Variants in PTPRD observed in about 807,000 individuals in gnomAD.
PTPRD encodes protein tyrosine phosphatase receptor type D.
In PTPRD, 34 loss-of-function variants were observed where a neutral mutation model predicts 214.5. The observed-to-expected ratio is 0.16, with a 90% CI of 0.12 to 0.21. The LOEUF is 0.21. Among genes scored for constraint, PTPRD ranks in the 10% least tolerant of loss-of-function variants. PTPRD has a pLI of 1.00. For synonymous variants in PTPRD, 1,128 were observed against 845.7 expected, an observed-to-expected ratio of 1.33 and a Z score of -5.79; for missense variants, 2,545 against 2,398.7, an observed-to-expected ratio of 1.06 and a Z score of -1.27.
At position 9,894,720 on chromosome 9, in the gene PTPRD, A is replaced by G. The variant is rs1347384593; in HGVS notation, c.-368+43787T>C. ...GAGCTAAATAATATCTCTCTTTTTT[A>G]TTATACTATATATTCTATGCATTCG... On this transcript the variant is annotated intron_variant, in intron 5 of 45. Coordinates refer to ENST00000381196, the MANE Select transcript of PTPRD (RefSeq NM_002839.4). 3.3e-5 allele frequency among the ~76,000 whole-genome samples: 5 copies of G among 152,136 alleles called. No homozygotes were observed. The Middle Eastern group carries it at 0.014, about 414-fold the overall frequency.
rs182238818 is a variant in PTPRD at position 9,638,648 on chromosome 9, A to G, written c.-286-63867T>C. Among the ~76,000 whole-genome samples the G allele has an allele frequency of 3.7e-3, 571 of 152,270 alleles. 1 individual carries two copies. The highest frequency in any genetic ancestry group is 4.9e-3 in the Non-Finnish European group (330 of 68,024). On this transcript the variant is annotated intron_variant, in intron 7 of 45. Transcript: ENST00000381196. ...ATCAAAACTCTTCCAGCCTCTATCC[A>G]TTACCTAGTGCCGAAACCACTTCTA...
At chr9:8,781,057 G>C (rs2095672826) in intron 11 of PTPRD, among the ~76,000 whole-genome samples, 1 of 152,258 alleles carries the variant, frequency 6.6e-6, no homozygotes. Context: ...TTCAATAGGA[G>C]GATGCGGGAT....
At chr9:10,384,634 A>T (rs1474811951) in intron 2 of PTPRD, among the ~76,000 whole-genome samples, 1 of 151,682 alleles carries the variant, frequency 6.6e-6, no homozygotes, top group Non-Finnish European at 1.5e-5. Context: ...GGATTTTTTT[A>T]AAAAGTGGAA....
intron 2 of PTPRD, among the ~76,000 whole-genome samples, chr9:10,605,652 C>T (rs995678565): frequency 7.9e-5 from 12 of 151,410 alleles, no homozygotes; most frequent in African/African-American, 2.2e-4. Context: ...AGTGTAGATA[C>T]GTATCTGGAA....
At chr9:9,654,386 T>C (rs2096457006) in intron 7 of PTPRD, among the ~76,000 whole-genome samples, 1 of 152,108 alleles carries the variant, frequency 6.6e-6, no homozygotes, top group Non-Finnish European at 1.5e-5. Context: ...TATACACATG[T>C]CTAAGTATGT....
chr9:9,651,435 C>T (rs1344358365), intron 7 of PTPRD, among the ~76,000 whole-genome samples: 1 of 152,068 alleles, frequency 6.6e-6, no homozygotes, highest in Non-Finnish European at 1.5e-5. Context: ...TGTTGTTCCC[C>T]TCTATGTGTC....
chr9:10,123,917 T>A (rs956199663), intron 3 of PTPRD, among the ~76,000 whole-genome samples: 1 of 152,210 alleles, frequency 6.6e-6, no homozygotes, highest in Non-Finnish European at 1.5e-5. Context: ...GTGGACTTAA[T>A]GATATTGATA....
chr9:8,473,050 G>A (rs575997745), intron 30 of PTPRD, among the ~76,000 whole-genome samples: 86 of 152,254 alleles, frequency 5.6e-4, no homozygotes, highest in African/African-American at 1.9e-3. Flanking sequence ...ATCACAGGCC[G>A]GAGAGACGCA....
At chr9:8,504,568 A>G (rs557776201) in intron 22 of PTPRD, among the ~76,000 whole-genome samples, 163 bp from the exon 23 acceptor site, 1 of 152,374 alleles carries the variant, frequency 6.6e-6, no homozygotes, top group Non-Finnish European at 1.5e-5. Context: ...TAAGGAAATT[A>G]TATAATGAAA....
At chr9:8,414,764 C>T (rs1006496800) in intron 35 of PTPRD, among the ~76,000 whole-genome samples, 2 of 151,580 alleles carry the variant, frequency 1.3e-5, no homozygotes, top group Non-Finnish European at 2.9e-5. Context: ...CTGGTTCTAC[C>T]TAACTTCCTC....
At chr9:10,068,253 A>C (rs1202604419) in intron 3 of PTPRD, among the ~76,000 whole-genome samples, 1 of 151,918 alleles carries the variant, frequency 6.6e-6, no homozygotes, top group African/African-American at 2.4e-5. Flanking sequence ...TGGATAACCG[A>C]ATGTGGAAAA....
chr9:9,951,318 A>T (rs914347045), intron 4 of PTPRD, among the ~76,000 whole-genome samples: 1 of 152,208 alleles, frequency 6.6e-6, no homozygotes, highest in East Asian at 1.9e-4. Flanking sequence ...CTTATCTCCT[A>T]AAATTAAAAG....
intron 7 of PTPRD, among the ~76,000 whole-genome samples, chr9:9,699,454 G>A (rs373294555): frequency 6.6e-6 from 1 of 151,908 alleles, no homozygotes; most frequent in African/African-American, 2.4e-5. Flanking sequence ...TGTAATATTA[G>A]GGTCTTTGGT....
intron 2 of PTPRD, among the ~76,000 whole-genome samples, chr9:10,458,632 C>A (rs1034753781): frequency 6.6e-6 from 1 of 152,066 alleles, no homozygotes; most frequent in Admixed American, 6.6e-5. Context: ...ACATCTGGTA[C>A]GAAGCAAAGA....
At chr9:9,533,574 T>G (rs1214715648) in intron 8 of PTPRD, among the ~76,000 whole-genome samples, 1 of 152,118 alleles carries the variant, frequency 6.6e-6, no homozygotes, top group African/African-American at 2.4e-5. Context: ...GTGTTTCCCT[T>G]GAATAAAAAC....
At chr9:9,080,912 C>A (rs756528381) in intron 10 of PTPRD, among the ~76,000 whole-genome samples, 3 of 151,928 alleles carry the variant, frequency 2.0e-5, no homozygotes, top group African/African-American at 4.8e-5. Flanking sequence ...ATCTGGCTAG[C>A]GGTCTATTTT....
At chr9:9,137,101 T>C (rs975445658) in intron 10 of PTPRD, among the ~76,000 whole-genome samples, 19 of 152,206 alleles carry the variant, frequency 1.2e-4, no homozygotes, top group Non-Finnish European at 2.4e-4. Flanking sequence ...TTATTGCTAA[T>C]GGAATCACAG....
chr9:10,435,450 G>C (rs562874442), intron 2 of PTPRD, among the ~76,000 whole-genome samples: 2 of 151,926 alleles, frequency 1.3e-5, no homozygotes, highest in South Asian at 4.1e-4. Context: ...ATTTGCTCAT[G>C]GTCTTATGAG....
intron 8 of PTPRD, among the ~76,000 whole-genome samples, chr9:9,497,835 GAATGGTCACTGTATTGACTTTGTC>G (rs1460307293): frequency 6.6e-6 from 1 of 152,068 alleles, no homozygotes; most frequent in Non-Finnish European, 1.5e-5. Flanking sequence ...TGAAACTCTG[GAATGGTCACTGTATTGACTTTGTC>G]AAATATTGAC....
Sources: allele counts gnomAD v4.1 joint callset (sites outside exome capture counted in the v4.1 genomes callset), GRCh38; gene constraint gnomAD v4.1.1; transcripts MANE v1.5; gene names NCBI Gene and HGNC (gene_info 2026-07-23, HGNC 2026-07-21).